Variants in HDAC9 observed in about 807,000 individuals in gnomAD.
HDAC9 encodes the protein MEF-2 interacting transcription repressor (MITR) protein.
Under a neutral mutation model 139.4 loss-of-function variants are expected in HDAC9, and 41 were observed. That is an observed-to-expected ratio of 0.29 (90% CI 0.23 to 0.38). The LOEUF (loss-of-function observed/expected upper bound fraction) is 0.38, where lower values mean the gene tolerates loss of function less well. Ranked by LOEUF, HDAC9 falls within the 10% of genes least tolerant of loss-of-function variation. The probability of loss-of-function intolerance (pLI) is 1.00; values close to 1 mark genes in which losing one functional copy is unlikely to be tolerated. For synonymous variants in HDAC9, 517 were observed against 476.2 expected (o/e 1.09, Z -1.12); for missense variants, 1,147 against 1,297.0 (o/e 0.88, Z 1.78).
At chr7:18,170,809 C>G (rs2128133382) in intron 2 of HDAC9, among the ~76,000 whole-genome samples, 1 of 152,258 alleles carries the variant, frequency 6.6e-6, no homozygotes. Context: ...TTCTATATCT[C>G]TGTTTTGGTA....
chr7:18,283,462 G>A (rs1797235465), intron 2 of HDAC9, among the ~76,000 whole-genome samples: 1 of 152,074 alleles, frequency 6.6e-6, no homozygotes, highest in Non-Finnish European at 1.5e-5. Flanking sequence ...GTAAAGCAAA[G>A]GTGAATTAGA....
intron 22 of HDAC9, among the ~76,000 whole-genome samples, chr7:18,930,899 C>T (rs1190768069): frequency 6.6e-6 from 1 of 152,090 alleles, no homozygotes; most frequent in Non-Finnish European, 1.5e-5. Flanking sequence ...GACTTTTTTT[C>T]ATTGCCAGAG....
At chr7:18,990,133 C>T (rs562121987) in intron 25 of HDAC9, among the ~76,000 whole-genome samples, 5 of 152,118 alleles carry the variant, frequency 3.3e-5, no homozygotes, top group African/African-American at 9.7e-5. Flanking sequence ...AGGCACTCTG[C>T]GTTTTAGAGT....
intron 12 of HDAC9, among the ~76,000 whole-genome samples, chr7:18,672,334 G>T (rs987401257): frequency 6.6e-6 from 1 of 151,836 alleles, no homozygotes; most frequent in Non-Finnish European, 1.5e-5. Context: ...TTGCTTATTG[G>T]CCATTTCTAT....
rs931491375 is a variant in HDAC9, at chr7:18,415,295, C to G, written c.-41-80967C>G. On this transcript the variant is annotated intron_variant, in intron 1 of 3. Transcript: ENST00000413509. Reference sequence around the variant, plus strand: ...CCATGGGGCTGATGTTAAGCCAGTTCACACTGGTACAACTGCGCTAGTTTT... The same window carrying G: ...CCATGGGGCTGATGTTAAGCCAGTTGACACTGGTACAACTGCGCTAGTTTT... Among the ~76,000 whole-genome samples, 7 of 152,164 alleles carry G rather than the reference C, an allele frequency of 4.6e-5. No homozygotes were observed. The South Asian group carries it at 1.5e-3, about 32-fold the overall frequency.
chr7:18,416,620 G>A (rs1789092588), intron 1 of HDAC9, among the ~76,000 whole-genome samples: 1 of 152,088 alleles, frequency 6.6e-6, no homozygotes, highest in African/African-American at 2.4e-5. Flanking sequence ...TTCTTCTTGA[G>A]TAAGCTTTGA....
At chr7:18,865,181 C>T (rs2129237918) in intron 21 of HDAC9, among the ~76,000 whole-genome samples, 1 of 152,294 alleles carries the variant, frequency 6.6e-6, no homozygotes, top group South Asian at 2.1e-4. Flanking sequence ...AGTATGGGCC[C>T]CTCTGAGGAG....
intron 1 of HDAC9, among the ~76,000 whole-genome samples, chr7:18,477,202 T>A (rs1296812454): frequency 6.6e-6 from 1 of 152,194 alleles, no homozygotes; most frequent in Non-Finnish European, 1.5e-5. Context: ...ATTAATTATA[T>A]TATAGTCAAC....
At chr7:18,798,984 T>C (rs1793050501) in intron 17 of HDAC9, among the ~76,000 whole-genome samples, 1 of 149,592 alleles carries the variant, frequency 6.7e-6, no homozygotes, top group African/African-American at 2.5e-5. Flanking sequence ...AAACAGGAAG[T>C]GAAGGTCCGG....
At chr7:18,190,819 T>A (rs971931054) in intron 2 of HDAC9, among the ~76,000 whole-genome samples, 2 of 152,230 alleles carry the variant, frequency 1.3e-5, no homozygotes, top group East Asian at 3.8e-4. Flanking sequence ...CAGAAATTTC[T>A]GTATGTCCCA....
chr7:18,299,520 G>C (rs1428134569), intron 1 of HDAC9, among the ~76,000 whole-genome samples: 1 of 152,074 alleles, frequency 6.6e-6, no homozygotes, highest in Non-Finnish European at 1.5e-5. Context: ...GCATACAAAT[G>C]GTGTTTTGGG....
At chr7:18,616,979 C>G (rs568496144) in intron 6 of HDAC9, among the ~76,000 whole-genome samples, 1 of 152,184 alleles carries the variant, frequency 6.6e-6, no homozygotes, top group African/African-American at 2.4e-5. Context: ...TTAAGCTGAA[C>G]AATGTGATTC....
intron 22 of HDAC9, among the ~76,000 whole-genome samples, chr7:18,876,564 A>T (rs1464269156): frequency 6.6e-6 from 1 of 152,212 alleles, no homozygotes; most frequent in Non-Finnish European, 1.5e-5. Context: ...TGAGGAAACT[A>T]ATTTATTTTA....
rs564381704 is a variant in HDAC9, at chr7:18,776,665, A to G, written c.2214+9510A>G. On this transcript the variant is annotated intron_variant, in intron 16 of 25. Transcript: ENST00000686413. ...GTGTGGAGTCTTGTAGTGTTGGGGCAGAGAACTAGTGGTTAATGAGAAGTG... is the reference window on the plus strand; with the variant it reads ...GTGTGGAGTCTTGTAGTGTTGGGGCGGAGAACTAGTGGTTAATGAGAAGTG... Among the ~76,000 whole-genome samples the G allele has an allele frequency of 3.9e-5, 6 of 152,156 alleles. No individual in the cohort carries two copies. The East Asian group carries it at 9.7e-4, about 25-fold the overall frequency.
intron 6 of HDAC9, among the ~76,000 whole-genome samples, chr7:18,621,432 C>G (rs1272026745): frequency 2.6e-5 from 4 of 151,874 alleles, no homozygotes; most frequent in African/African-American, 9.7e-5. Context: ...AATTGATTAA[C>G]ATTTACAAAT....
At chr7:18,820,930 A>T (rs947672068) in intron 17 of HDAC9, among the ~76,000 whole-genome samples, 1 of 152,192 alleles carries the variant, frequency 6.6e-6, no homozygotes, top group Non-Finnish European at 1.5e-5. Context: ...GCTGTAACAA[A>T]ATACCACAGA....
At chr7:18,792,109 T>C (rs566266946) in intron 16 of HDAC9, among the ~76,000 whole-genome samples, 4 of 152,300 alleles carry the variant, frequency 2.6e-5, no homozygotes, top group Non-Finnish European at 5.9e-5. Context: ...TTTGTATTCA[T>C]TGTTCTTGGT....
intron 2 of HDAC9, among the ~76,000 whole-genome samples, chr7:18,172,937 G>A (rs1788565594): frequency 6.6e-6 from 1 of 152,148 alleles, no homozygotes; most frequent in Non-Finnish European, 1.5e-5. Context: ...GTTGATTTGG[G>A]GTGGAGAGTT....
At chr7:18,971,169 A>C (rs773499000) in intron 24 of HDAC9, among the ~76,000 whole-genome samples, 2 of 152,128 alleles carry the variant, frequency 1.3e-5, no homozygotes, top group African/African-American at 4.8e-5. Flanking sequence ...TAGATTCATT[A>C]TTTGTGTTAC....
Sources: gnomAD v4.1 joint callset for allele counts (sites outside exome capture counted in the v4.1 genomes callset) on GRCh38, gnomAD v4.1.1 for gene constraint, MANE v1.5 for transcripts, NCBI Gene and HGNC (gene_info 2026-07-23, HGNC 2026-07-21) for gene names.